CEP128: variants seen among roughly 807,000 people sequenced by gnomAD.
CEP128 encodes centrosomal protein 128.
A neutral mutation model predicts 156.7 loss-of-function variants in CEP128; 132 were observed. The observed-to-expected ratio is 0.84, with a 90% confidence interval of 0.73 to 0.97. CEP128 has a LOEUF of 0.97. Among genes scored for constraint, CEP128 ranks in the 50% least tolerant of loss-of-function variants. The pLI is 0.00. For missense variants in CEP128, 1,252 were observed against 1,281.9 expected (o/e 0.98, Z 0.36); for synonymous variants, 469 against 448.9 (o/e 1.04, Z -0.57).
At chr14:80,740,449 T>TAC (rs58752743) in intron 19 of CEP128, among the ~76,000 whole-genome samples, 52,162 of 145,994 alleles carry the variant, frequency 0.36, 10,019 homozygotes, top group Non-Finnish European at 0.43. Flanking sequence ...TATATACACA[T>TAC]ACACACACAC....
chr14:80,792,086 G>A (rs1901737297), intron 14 of CEP128, among the ~76,000 whole-genome samples: 1 of 152,192 alleles, frequency 6.6e-6, no homozygotes, highest in African/African-American at 2.4e-5. Context: ...AGATATATCA[G>A]ATGAGAATCA....
chr14:80,520,412 C>G (rs1223315168), intron 23 of CEP128, among the ~76,000 whole-genome samples: 2 of 135,936 alleles, frequency 1.5e-5, no homozygotes, highest in Admixed American at 1.7e-4. Context: ...GAGCGAGATT[C>G]CATCTAAAAA....
intron 21 of CEP128, among the ~76,000 whole-genome samples, chr14:80,554,066 A>ATGG (rs1317380653): frequency 1.3e-5 from 2 of 152,100 alleles, no homozygotes; most frequent in African/African-American, 4.8e-5. Flanking sequence ...TATGATGATG[A>ATGG]TGGTGGTGGT....
intron 3 of CEP128, among the ~76,000 whole-genome samples, chr14:80,914,972 G>A (rs1041037726): frequency 1.9e-4 from 29 of 152,136 alleles, no homozygotes; most frequent in African/African-American, 7.0e-4. Context: ...GTGTCTCATT[G>A]TTGGGAAAGC....
chr14:80,629,844 A>G (rs1249885867), intron 19 of CEP128, among the ~76,000 whole-genome samples: 1 of 151,934 alleles, frequency 6.6e-6, no homozygotes, highest in African/African-American at 2.4e-5. Flanking sequence ...ATAACATGAG[A>G]ACTAGGTGCC....
intron 15 of CEP128, among the ~76,000 whole-genome samples, chr14:80,783,465 A>C (rs1383713064): frequency 2.0e-5 from 3 of 152,196 alleles, no homozygotes; most frequent in African/African-American, 7.2e-5. Flanking sequence ...CTGCAAGGTG[A>C]GGTGGGTATT....
chr14:80,711,714 T>C (rs111289274), intron 19 of CEP128, among the ~76,000 whole-genome samples: 5 of 152,228 alleles, frequency 3.3e-5, no homozygotes, highest in Admixed American at 6.5e-5. Flanking sequence ...AAGATTATAA[T>C]TGAATTATCT....
At position 80,521,261 on chromosome 14, in the gene CEP128, GA is replaced by G. The variant is rs369329146; in HGVS notation, c.3072+5607del. ...TTAGTACCTAGAATTTTGAATTAGA[GA>G]TTATTAAAAATGGCTTCTATAGCTA... On this transcript the variant is annotated intron_variant, in intron 23 of 24. Coordinates refer to ENST00000555265, the MANE Select transcript of CEP128 (RefSeq NM_152446.5). Among the ~76,000 whole-genome samples the G allele has an allele frequency of 1.5e-4, 23 of 152,102 alleles. No individual in the cohort carries two copies. In the East Asian group the frequency reaches 4.1e-3, roughly 27 times the overall value.
intron 19 of CEP128, among the ~76,000 whole-genome samples, chr14:80,673,449 C>G (rs1314508651): frequency 1.4e-5 from 2 of 146,822 alleles, no homozygotes; most frequent in East Asian, 4.1e-4. Context: ...CGAGACCATC[C>G]CGGCTAAAAC....
At chr14:80,530,307 G>A (rs1889167458) in intron 22 of CEP128, among the ~76,000 whole-genome samples, 1 of 152,180 alleles carries the variant, frequency 6.6e-6, no homozygotes, top group Admixed American at 6.5e-5. Context: ...TAACTAATTG[G>A]CTTGATAATG....
intron 17 of CEP128, among the ~76,000 whole-genome samples, chr14:80,757,651 A>G (rs1899735327): frequency 6.6e-6 from 1 of 152,238 alleles, no homozygotes; most frequent in Admixed American, 6.5e-5. Flanking sequence ...ACTCTGTGCT[A>G]CAAATAATAT....
At chr14:80,746,348 G>T (rs1448560241) in intron 18 of CEP128, among the ~76,000 whole-genome samples, 1 of 152,166 alleles carries the variant, frequency 6.6e-6, no homozygotes, top group East Asian at 1.9e-4. Flanking sequence ...TTACTACAAA[G>T]CTACAGTAGT....
intron 23 of CEP128, among the ~76,000 whole-genome samples, chr14:80,524,194 A>G (rs2043172180): frequency 2.0e-5 from 3 of 152,172 alleles, no homozygotes; most frequent in East Asian, 1.9e-4. Flanking sequence ...GTGTTTTGCA[A>G]CATGGTAGCT....
chr14:80,533,119 A>G (rs946114460), intron 21 of CEP128, among the ~76,000 whole-genome samples: 2 of 152,322 alleles, frequency 1.3e-5, no homozygotes, highest in African/African-American at 4.8e-5. Flanking sequence ...AAGCCACAAC[A>G]TGTAGGCTTA....
intron 7 of CEP128, among the ~76,000 whole-genome samples, chr14:80,897,856 C>T (rs1006164752): frequency 2.6e-5 from 4 of 152,140 alleles, no homozygotes; most frequent in African/African-American, 9.7e-5. Flanking sequence ...CAGCTCAATG[C>T]AGCTTCAACC....
chr14:80,808,117 A>C (rs1013893251), intron 13 of CEP128, among the ~76,000 whole-genome samples: 2 of 152,214 alleles, frequency 1.3e-5, no homozygotes, highest in Non-Finnish European at 2.9e-5. Context: ...GCTTGGCCTC[A>C]CAAGCAGAGA....
intron 19 of CEP128, among the ~76,000 whole-genome samples, chr14:80,626,470 CAAAAAAAA>C (rs60238276): frequency 0.01 from 839 of 80,694 alleles, 17 homozygotes; most frequent in African/African-American, 0.041. Flanking sequence ...GACTCCGTCT[CAAAAAAAA>C]AAAAAAAAAA....
intron 16 of CEP128, among the ~76,000 whole-genome samples, chr14:80,762,260 C>A (rs1900007376): frequency 7.6e-6 from 1 of 131,616 alleles, no homozygotes; most frequent in Non-Finnish European, 1.7e-5. Flanking sequence ...AAAAATAATT[C>A]TAAATCATTA....
intron 19 of CEP128, among the ~76,000 whole-genome samples, chr14:80,647,769 T>A (rs543010866): frequency 6.6e-6 from 1 of 152,138 alleles, no homozygotes; most frequent in East Asian, 1.9e-4. Context: ...AAAATATCAA[T>A]GGTGCTGAGG....
Sources: allele counts gnomAD v4.1 joint callset (sites outside exome capture counted in the v4.1 genomes callset), GRCh38; gene constraint gnomAD v4.1.1; transcripts MANE v1.5; gene names NCBI Gene and HGNC (gene_info 2026-07-23, HGNC 2026-07-21).